The following WWOX variants were observed in gnomAD, a reference collection of about 807,000 sequenced individuals.
WWOX encodes the protein WW domain-containing oxidoreductase.
A neutral mutation model predicts 46.2 loss-of-function variants in WWOX; 69 were observed. That is an observed-to-expected ratio of 1.49 (90% CI 1.23 to 1.82). WWOX has a LOEUF of 1.82. Among genes scored for constraint, WWOX ranks in the 40% most tolerant of loss-of-function variants. The probability of loss-of-function intolerance (pLI) is 0.00; values close to 1 mark genes in which losing one functional copy is unlikely to be tolerated. For missense variants in WWOX, 919 were observed against 542.6 expected (o/e 1.69, Z -6.89); for synonymous variants, 359 against 202.6 (o/e 1.77, Z -6.56).
At chr16:78,389,090 A>C (rs2082122989) in intron 6 of WWOX, among the ~76,000 whole-genome samples, 1 of 152,196 alleles carries the variant, frequency 6.6e-6, no homozygotes, top group Admixed American at 6.5e-5. Flanking sequence ...CGCAGACCCC[A>C]AGCTGGCTTG....
chr16:78,600,124 C>T (rs2045586302), intron 8 of WWOX, among the ~76,000 whole-genome samples: 1 of 152,034 alleles, frequency 6.6e-6, no homozygotes, highest in African/African-American at 2.4e-5. Flanking sequence ...CCTTATAAAA[C>T]CATCAGATCT....
At position 78,771,926 on chromosome 16, in the gene WWOX, A is replaced by AT. The variant is rs955965947; in HGVS notation, c.1056+339181dup. Among the ~76,000 whole-genome samples the AT allele has an allele frequency of 7.7e-4, 117 of 152,264 alleles. 1 individual carries two copies. The highest frequency in any genetic ancestry group is 2.6e-3 in the African/African-American group (110 of 41,568). ...CATACATTGTACTACAATAAAAACC[A>AT]TTTTTTTGAAAAGAATAGTACAAAA... On this transcript the variant is annotated intron_variant, in intron 8 of 8. Transcript: ENST00000566780.
chr16:78,699,170 G>A (rs563985459), intron 8 of WWOX, among the ~76,000 whole-genome samples: 6 of 152,212 alleles, frequency 3.9e-5, no homozygotes, highest in South Asian at 2.1e-4. Flanking sequence ...AACAGGTCAC[G>A]GGCCACATTT....
intron 8 of WWOX, among the ~76,000 whole-genome samples, chr16:78,654,935 G>C (rs368555074): frequency 3.9e-5 from 6 of 151,934 alleles, no homozygotes; most frequent in African/African-American, 1.5e-4. Flanking sequence ...AATTTAGAAA[G>C]ATTAATTAAA....
chr16:78,807,259 C>G (rs554689116), intron 8 of WWOX, among the ~76,000 whole-genome samples: 45 of 152,306 alleles, frequency 3.0e-4, no homozygotes, highest in African/African-American at 1.0e-3. Context: ...CAGTGAAGGT[C>G]AGGCAGGAAA....
chr16:78,985,758 G>C (rs1210256202), intron 8 of WWOX, among the ~76,000 whole-genome samples: 1 of 122,506 alleles, frequency 8.2e-6, no homozygotes, highest in South Asian at 3.1e-4. Flanking sequence ...AAAAGAGTGA[G>C]ACTCCATCTG....
At chr16:78,939,077 C>T (rs2045799909) in intron 8 of WWOX, among the ~76,000 whole-genome samples, 1 of 152,312 alleles carries the variant, frequency 6.6e-6, no homozygotes, top group Non-Finnish European at 1.5e-5. Context: ...TGGGTAGCCA[C>T]AGGAGGGCTT....
intron 5 of WWOX, among the ~76,000 whole-genome samples, chr16:78,289,306 G>A (rs994655641): frequency 6.6e-6 from 1 of 152,174 alleles, no homozygotes; most frequent in South Asian, 2.1e-4. Context: ...TAGGCGAGGA[G>A]AGTTGATTTT....
At chr16:78,443,626 G>C (rs1445947240) in intron 8 of WWOX, among the ~76,000 whole-genome samples, 3 of 152,144 alleles carry the variant, frequency 2.0e-5, no homozygotes, top group Admixed American at 6.5e-5. Context: ...AGGGGAGAAA[G>C]TGACTATCTG....
intron 6 of WWOX, among the ~76,000 whole-genome samples, chr16:78,414,224 C>T (rs1218112406): frequency 6.6e-6 from 1 of 152,060 alleles, no homozygotes; most frequent in Admixed American, 6.6e-5. Flanking sequence ...CACCTATTTC[C>T]CTTTGCTGAC....
chr16:78,187,196 C>G (rs2035737171), intron 5 of WWOX, among the ~76,000 whole-genome samples: 1 of 152,178 alleles, frequency 6.6e-6, no homozygotes. Flanking sequence ...CCAAATGATG[C>G]TCTTGGTTCC....
At chr16:79,082,897 G>C (rs554967710) in intron 8 of WWOX, among the ~76,000 whole-genome samples, 1 of 152,312 alleles carries the variant, frequency 6.6e-6, no homozygotes, top group African/African-American at 2.4e-5. Context: ...TGCATAATAA[G>C]TTCAGGAGGG....
Position 78,747,389 on chromosome 16 carries a change from C to G in WWOX, c.1056+314637C>G, listed in dbSNP as rs142689738. On this transcript the variant is annotated intron_variant, in intron 8 of 8. Transcript: ENST00000566780. ...TATCTTTCTAACACAGTTTAAATAT[C>G]ACTTTCTCAGAGGCCTACCCTGACC... Among the ~76,000 whole-genome samples, 268 of 152,122 alleles carry G rather than the reference C, an allele frequency of 1.8e-3. 1 individual carries two copies. Among genetic ancestry groups the G allele is most frequent in the Middle Eastern group, 6.8e-3 (2 of 292 alleles).
At chr16:78,502,203 C>CT in intron 8 of WWOX, among the ~76,000 whole-genome samples, 1 of 152,214 alleles carries the variant, frequency 6.6e-6, no homozygotes, top group South Asian at 2.1e-4. Flanking sequence ...TATAATGTGC[C>CT]TACCATATAA....
intron 5 of WWOX, among the ~76,000 whole-genome samples, chr16:78,272,045 A>C (rs939895495): frequency 6.6e-5 from 10 of 152,240 alleles, no homozygotes; most frequent in African/African-American, 2.4e-4. Flanking sequence ...CTCATCTGTA[A>C]AACGTGGATG....
intron 8 of WWOX, among the ~76,000 whole-genome samples, chr16:79,032,531 T>G (rs2047783938): frequency 1.4e-5 from 2 of 146,228 alleles, no homozygotes; most frequent in Non-Finnish European, 3.0e-5. Context: ...TACACAATAG[T>G]CTAGTATATA....
rs13332891 is a variant in WWOX, at chr16:79,005,094, G to C, written c.1057-206514G>C. Among the ~76,000 whole-genome samples, 34 of 152,148 alleles carry C rather than the reference G, an allele frequency of 2.2e-4. No individual in the cohort carries two copies. In the South Asian group the frequency reaches 2.5e-3, roughly 11 times the overall value. On this transcript the variant is annotated intron_variant, in intron 8 of 8. Coordinates refer to ENST00000566780, the MANE Select transcript of WWOX (RefSeq NM_016373.4). ...GGCACATGGATGCAGTCAGTCCTCAGTGTACCCCAGGAAAGAGGAAACTGA... is the reference window on the plus strand; with the variant it reads ...GGCACATGGATGCAGTCAGTCCTCACTGTACCCCAGGAAAGAGGAAACTGA...
At position 79,008,803 on chromosome 16, in the gene WWOX, C is replaced by T. The variant is rs189307655; in HGVS notation, c.1057-202805C>T. The stretch of plus-strand genomic sequence containing the variant: ...CCTGTCCCAGGCCTTGTCTTCCAGC[C>T]CCACAAACGTGCACCTGCAGCCGGA... On this transcript the variant is annotated intron_variant, in intron 8 of 8. Transcript: ENST00000566780. Among the ~76,000 whole-genome samples, 12 of 152,314 alleles carry T rather than the reference C, an allele frequency of 7.9e-5. No individual in the cohort carries two copies. The East Asian group carries it at 2.1e-3, about 27-fold the overall frequency.
intron 8 of WWOX, among the ~76,000 whole-genome samples, chr16:78,522,165 C>G (rs372971592): frequency 1.4e-4 from 21 of 147,248 alleles, no homozygotes; most frequent in African/African-American, 3.8e-4. Context: ...AAAAAAACTT[C>G]AGAAGCTGAT....
Sources: allele counts gnomAD v4.1 joint callset (sites outside exome capture counted in the v4.1 genomes callset), GRCh38; gene constraint gnomAD v4.1.1; transcripts MANE v1.5; gene names NCBI Gene and HGNC (gene_info 2026-07-23, HGNC 2026-07-21).